Variants in FGFR3 observed in about 807,000 individuals in gnomAD.
FGFR3 encodes fibroblast growth factor receptor 3.
A neutral mutation model predicts 82.9 loss-of-function variants in FGFR3; 25 were observed. That is an observed-to-expected ratio of 0.30 (90% confidence interval 0.22 to 0.42). The LOEUF is 0.42. FGFR3 is among the 10% of genes least tolerant of loss of function. The pLI, the probability that FGFR3 is intolerant of heterozygous loss-of-function variation, is 1.00. For synonymous variants in FGFR3, 620 were observed against 516.0 expected (o/e 1.20, Z -2.73); for missense variants, 1,026 against 1,161.0 (o/e 0.88, Z 1.69).
At chr4:1,799,009 G>A (rs1274291656) in intron 2 of FGFR3, among the ~76,000 whole-genome samples, 1 of 152,224 alleles carries the variant, frequency 6.6e-6, no homozygotes, top group African/African-American at 2.4e-5. Context: ...TTGGCTGCAG[G>A]TTGTGTGGGG....
At chr4:1,796,224 C>T (rs780659468) in intron 2 of FGFR3, among the ~76,000 whole-genome samples, 5 of 152,102 alleles carry the variant, frequency 3.3e-5, no homozygotes, top group African/African-American at 7.2e-5. Context: ...GTGCCCTCTT[C>T]GAACCTCAGT....
At chr4:1,803,137 C>T in intron 7 of FGFR3, 1 of 1,412,466 alleles carries the variant, frequency 7.1e-7, no homozygotes. Context: ...CCCTGCACGC[C>T]CCGCACGCCC....
At chr4:1,802,267 A>G (rs145372165) in intron 7 of FGFR3, among the ~76,000 whole-genome samples, 3 of 152,090 alleles carry the variant, frequency 2.0e-5, no homozygotes, top group South Asian at 2.1e-4. Flanking sequence ...AGTCCCTGAC[A>G]TGGAGCTGCC....
intron 17 of FGFR3, 64 bp from the exon 18 acceptor site, chr4:1,807,052 C>T: frequency 3.9e-6 from 6 of 1,552,268 alleles, no homozygotes; most frequent in Middle Eastern, 1.7e-4. Flanking sequence ...ACAGCCTGGG[C>T]ACAGAGGTGG....
chr4:1,806,530 T>A lies in FGFR3; in HGVS notation c.2031-16T>A, dbSNP rs1253341483. ...CTGGGAGTCTCAGGACAGCCTGACCTCACCTTCCCCTGCAGCTGGTCCTTT... is the reference window on the plus strand; with the variant it reads ...CTGGGAGTCTCAGGACAGCCTGACCACACCTTCCCCTGCAGCTGGTCCTTT... On this transcript the variant is annotated splice_polypyrimidine_tract_variant and intron_variant, in intron 15 of 17. Transcript: ENST00000440486. 1.9e-6 allele frequency: 3 copies of A among 1,612,846 alleles called. No homozygotes were observed. The highest frequency in any genetic ancestry group is 2.5e-6 in the Non-Finnish European group (3 of 1,179,922).
Position 1,805,336 on chromosome 4 carries a change from C to T in FGFR3, c.1413-19C>T, listed in dbSNP as rs971336948. ...TGGGCGAGTTTGCACACTCATGGTC[C>T]CTCTGCCTCCACTGCCAGGCTGACC... On this transcript the variant is annotated intron_variant, in intron 10 of 17. Transcript: ENST00000440486. 20 of 1,610,036 alleles carry T rather than the reference C, an allele frequency of 1.2e-5. No individual in the cohort carries two copies. Among genetic ancestry groups the T allele is most frequent in the African/African-American group, 2.7e-5 (2 of 74,876 alleles).
chr4:1,802,981 G>C, intron 7 of FGFR3: 2 of 1,600,998 alleles, frequency 1.2e-6, no homozygotes, highest in Non-Finnish European at 8.5e-7. Context: ...GAGCGGGACG[G>C]GGGCGAGTAC....
intron 8 of FGFR3, 95 bp from the exon 9 acceptor site, chr4:1,804,235 C>A: frequency 7.1e-7 from 1 of 1,416,650 alleles, no homozygotes; most frequent in Non-Finnish European, 9.5e-7. Flanking sequence ...CCCCCTTCCG[C>A]TCCCAGTGGT....
chr4:1,795,045 A>T (rs1165940327), intron 2 of FGFR3, among the ~76,000 whole-genome samples: 11 of 151,468 alleles, frequency 7.3e-5, no homozygotes, highest in Non-Finnish European at 1.6e-4. Context: ...GCCGAGGCAG[A>T]TGGCGTCCGC....
chr4:1,796,527 C>T (rs1720535331), intron 2 of FGFR3, among the ~76,000 whole-genome samples: 1 of 152,144 alleles, frequency 6.6e-6, no homozygotes, highest in African/African-American at 2.4e-5. Flanking sequence ...CTCATCTCAC[C>T]CCAAAACCCA....
At chr4:1,802,437 G>A (rs1721308833) in intron 7 of FGFR3, among the ~76,000 whole-genome samples, 1 of 152,190 alleles carries the variant, frequency 6.6e-6, no homozygotes, top group African/African-American at 2.4e-5. Flanking sequence ...AGTGGGGCCC[G>A]AGCTCACTGT....
rs939090346 is a variant in FGFR3, at chr4:1,807,363, C to T, written c.*101C>T. ...ATGAGACTCAGTGCAGATGGAGAGA[C>T]AGCTACACAGAGCTTTGGTCTGTGT... is the stretch of plus-strand genomic sequence containing the variant. On this transcript the variant is annotated 3_prime_UTR_variant, in exon 18 of 18. Transcript: ENST00000440486. 4.1e-6 allele frequency: 6 copies of T among 1,466,054 alleles called. No homozygotes were observed. The African/African-American group carries it at 5.6e-5, about 14-fold the overall frequency. 90.8% of individuals were successfully genotyped at this position (1,466,054 alleles called of 1,614,324 possible).
Position 1,799,743 on chromosome 4 carries a change from G to T in FGFR3, c.380-4G>T. 1 of 1,612,930 alleles carries T rather than the reference G, an allele frequency of 6.2e-7. No individual in the cohort carries two copies. Among genetic ancestry groups the T allele is most frequent in the South Asian group, 1.1e-5 (1 of 91,042 alleles). On this transcript the variant is annotated splice_region_variant and splice_polypyrimidine_tract_variant and intron_variant, in intron 3 of 17. Transcript: ENST00000440486. ...CATTGGTTGCGGCCATCTCTGCCTT[G>T]CAGACGCTCCATCCTCGGGAGATGA...
Position 1,793,846 on chromosome 4 carries a change from G to T in FGFR3, c.-89G>T. 1 of 286,786 alleles carries T rather than the reference G, an allele frequency of 3.5e-6. No individual in the cohort carries two copies. The highest frequency in any genetic ancestry group is 1.3e-4 in the South Asian group (1 of 7,842). 17.8% of individuals were successfully genotyped at this position (286,786 alleles called of 1,614,324 possible). On this transcript the variant is annotated 5_prime_UTR_variant, in exon 2 of 18. Transcript: ENST00000440486. ...CTCCTCCTGTAGTCTCCCGAGCGGC[G>T]CCCGCCTCCCGCCGGTGCCCGCGCC...
At position 1,805,780 on chromosome 4, in the gene FGFR3, C is replaced by T. The variant is rs775946807; in HGVS notation, c.1676C>T (p.Ala559Val). 23 of 1,612,500 alleles carry T rather than the reference C, an allele frequency of 1.4e-5. No homozygotes were observed. The African/African-American group carries it at 2.8e-4, about 20-fold the overall frequency. ...GPLYVLVEYAAKGNLREFLRA... is the reference protein window; with the variant it reads ...GPLYVLVEYAVKGNLREFLRA... ...CTGTACGTGCTGGTGGAGTACGCGG[C>T]CAAGGGTAACCTGCGGGAGTTTCTG... The change falls in exon 13 of 18, where the codon GCC becomes GTC. Residue 559 changes from alanine to valine, a missense_variant. By Grantham distance (64) the Ala-to-Val change is moderately conservative. Around this residue, in one of 9 missense-constraint regions of FGFR3, gnomAD observed 164 missense variants for 167.5 expected, o/e 0.98. Coordinates refer to ENST00000440486, the MANE Select transcript of FGFR3 (RefSeq NM_000142.5).
In FGFR3 at chr4:1,803,730, TCTCTCCTTGCACAACGTCACCTTTGA is replaced by T; in HGVS notation, c.970_995del (p.Leu324GlyfsTer35). On this transcript the variant is annotated frameshift_variant, in exon 8 of 18. Transcript: ENST00000440486. LOFTEE classifies it high-confidence loss of function. The stretch of plus-strand genomic sequence containing the variant: ...ACACCACCGACAAGGAGCTAGAGGT[TCTCTCCTTGCACAACGTCACCTTTGA>T]GGACGCCGGGGAGTACACCTGCCTG... The T allele has an allele frequency of 6.2e-7, 1 of 1,614,006 alleles. No homozygotes were observed. Among genetic ancestry groups the T allele is most frequent in the Non-Finnish European group, 8.5e-7 (1 of 1,180,036 alleles).
chr4:1,799,485 C>A lies in FGFR3; in HGVS notation c.341C>A (p.Thr114Lys), dbSNP rs779882318. ...GCCTACAGCTGCCGGCAGCGGCTCA[C>A]GCAGCGCGTACTGTGCCACTTCAGT... ...SGAYSCRQRL[T>K]QRVLCHFSVR... The change falls in exon 3 of 18, where the codon ACG becomes AAG. Residue 114 changes from threonine to lysine, a missense_variant. Around this residue, in one of 9 missense-constraint regions of FGFR3, gnomAD observed 226 missense variants for 222.0 expected, o/e 1.02. Coordinates refer to ENST00000440486, the MANE Select transcript of FGFR3 (RefSeq NM_000142.5). The A allele has an allele frequency of 6.3e-7, 1 of 1,575,284 alleles. No homozygotes were observed. The highest frequency in any genetic ancestry group is 8.6e-7 in the Non-Finnish European group (1 of 1,161,224).
chr4:1,793,616 G>T (rs1320768970), intron 1 of FGFR3, among the ~76,000 whole-genome samples, 151 bp downstream of exon 1: 1 of 149,172 alleles, frequency 6.7e-6, no homozygotes, highest in African/African-American at 2.4e-5. Flanking sequence ...CGCCGCCGCC[G>T]CCCTGGGAGG....
chr4:1,795,514 TAAC>T (rs1226992577), intron 2 of FGFR3, among the ~76,000 whole-genome samples: 1 of 151,954 alleles, frequency 6.6e-6, no homozygotes, highest in Non-Finnish European at 1.5e-5. Context: ...TCCGGTTCCT[TAAC>T]AAGATGGGCC....
Sources: allele counts gnomAD v4.1 joint callset (sites outside exome capture counted in the v4.1 genomes callset), GRCh38; gene constraint gnomAD v4.1.1; regional missense constraint gnomAD v4.1.1; transcripts MANE v1.5; gene names NCBI Gene and HGNC (gene_info 2026-07-23, HGNC 2026-07-21).